ERCC6: variants seen among roughly 807,000 people sequenced by gnomAD.
ERCC6 encodes ERCC excision repair 6, chromatin remodeling factor.
A neutral mutation model predicts 158.7 loss-of-function variants in ERCC6; 116 were observed. The observed-to-expected ratio is 0.73, with a 90% CI of 0.63 to 0.85. The LOEUF (loss-of-function observed/expected upper bound fraction) is 0.85, where lower values mean the gene tolerates loss of function less well. Among genes scored for constraint, ERCC6 ranks in the 40% least tolerant of loss-of-function variants. The pLI, the probability that ERCC6 is intolerant of heterozygous loss-of-function variation, is 0.00. For synonymous variants in ERCC6, 678 were observed against 659.3 expected, an observed-to-expected ratio of 1.03 and a Z score of -0.43; for missense variants, 1,698 against 1,799.4, an observed-to-expected ratio of 0.94 and a Z score of 1.02.
intron 8 of ERCC6, 81 bp from the exon 9 acceptor site, chr10:49,483,597 T>G: frequency 7.4e-7 from 1 of 1,359,998 alleles, no homozygotes; most frequent in Non-Finnish European, 1.0e-6. Flanking sequence ...TAAAGTACTT[T>G]ATAAAAATGC....
At position 49,460,440 on chromosome 10, in the gene ERCC6, C is replaced by A; in HGVS notation, c.3995G>T (p.Gly1332Val). 3 of 1,611,766 alleles carry A rather than the reference C, an allele frequency of 1.9e-6. No individual in the cohort carries two copies. The highest frequency in any genetic ancestry group is 2.5e-6 in the Non-Finnish European group (3 of 1,177,912). The part of the protein sequence containing the change: ...GAPAGKKSRF[G>V]KKRNSNFSVQ... ...AGAGAAGTTAGAATTCCTTTTCTTA[C>A]CAAATCTACTCCTAAAAAAGGAAAA... Residue 1332 changes from glycine (G) to valine (V), a missense_variant, in exon 20 of 21, where the codon GGT becomes GTT. Gly to Val is a moderately radical substitution (Grantham distance 109). Coordinates refer to ENST00000355832, the MANE Select transcript of ERCC6 (RefSeq NM_000124.4).
At chr10:49,494,540 G>T (rs1851233097) in intron 7 of ERCC6, among the ~76,000 whole-genome samples, 1 of 152,074 alleles carries the variant, frequency 6.6e-6, no homozygotes, top group Non-Finnish European at 1.5e-5. Flanking sequence ...TTTTCCTGAA[G>T]AATCAGATCT....
intron 3 of ERCC6, among the ~76,000 whole-genome samples, chr10:49,528,819 C>G (rs561616372): frequency 4.6e-5 from 7 of 152,284 alleles, no homozygotes; most frequent in Admixed American, 2.6e-4. Context: ...TACATGGGCA[C>G]TGACCTGAAA....
intron 5 of ERCC6, among the ~76,000 whole-genome samples, chr10:49,520,288 CT>C (rs1258394653): frequency 1.3e-5 from 2 of 152,210 alleles, no homozygotes; most frequent in African/African-American, 4.8e-5. Context: ...CCCAGTGACA[CT>C]GCATAATCAG....
intron 5 of ERCC6, among the ~76,000 whole-genome samples, chr10:49,523,347 G>T (rs1837221740): frequency 6.6e-6 from 1 of 152,178 alleles, no homozygotes; most frequent in Non-Finnish European, 1.5e-5. Flanking sequence ...ATGCAATTCA[G>T]ACTTCATGTT....
intron 1 of ERCC6, among the ~76,000 whole-genome samples, chr10:49,535,382 T>C (rs1027728206): frequency 6.6e-6 from 1 of 151,956 alleles, no homozygotes; most frequent in Non-Finnish European, 1.5e-5. Flanking sequence ...GTACCTAAGG[T>C]CATTTTGGAG....
chr10:49,459,061 C>A lies in ERCC6; in HGVS notation c.4236G>T (p.Leu1412=), dbSNP rs1311925292. ...PERLESESGH[L]QEASALLPTT... ...TGGGCAGCAGGGCAGAAGCTTCCTG[C>A]AGGTGCCCGCTTTCACTTTCTAAAC... The change falls in exon 21 of 21, where the codon CTG becomes CTT. Residue 1412 remains leucine (L), a synonymous_variant. Transcript: ENST00000355832. The A allele has an allele frequency of 7.4e-6, 12 of 1,614,072 alleles. No individual in the cohort carries two copies. Among genetic ancestry groups the A allele is most frequent in the Non-Finnish European group, 1.0e-5 (12 of 1,180,038 alleles).
intron 5 of ERCC6, chr10:49,517,186 G>A (rs759797200): frequency 1.4e-4 from 213 of 1,499,700 alleles, no homozygotes; most frequent in Non-Finnish European, 1.8e-4. Context: ...TCCAAAAATG[G>A]AACATGAAAA....
chr10:49,529,880 TAAAAA>T (rs35149063), intron 3 of ERCC6, among the ~76,000 whole-genome samples: 1 of 151,946 alleles, frequency 6.6e-6, no homozygotes, highest in Non-Finnish European at 1.5e-5. Context: ...CATAAATCCT[TAAAAA>T]AAGTTTCAAA....
intron 5 of ERCC6, among the ~76,000 whole-genome samples, chr10:49,518,758 G>A (rs1837061563): frequency 6.6e-6 from 1 of 152,126 alleles, no homozygotes; most frequent in Non-Finnish European, 1.5e-5. Context: ...ATGGGGCCCT[G>A]GCCACAGAGG....
rs958123970 is a variant in ERCC6, at chr10:49,472,877, T to C, written c.2829+32A>G. 6 of 1,605,684 alleles carry C rather than the reference T, an allele frequency of 3.7e-6. No homozygotes were observed. In the African/African-American group the frequency reaches 4.1e-5, roughly 11 times the overall value. On this transcript the variant is annotated intron_variant, in intron 15 of 20. Coordinates refer to ENST00000355832, the MANE Select transcript of ERCC6 (RefSeq NM_000124.4). ...AACCATGAAACTATATTTCTACTAA[T>C]ACATTCTTTTAAAAAAAAAATAAAA...
chr10:49,522,696 A>T (rs1392917383), intron 5 of ERCC6, among the ~76,000 whole-genome samples: 1 of 152,242 alleles, frequency 6.6e-6, no homozygotes, highest in Admixed American at 6.5e-5. Flanking sequence ...TCCATTTATA[A>T]TCAATATGTT....
chr10:49,458,970 C>T lies in ERCC6; in HGVS notation c.4327G>A (p.Gly1443Ser). Residue 1443 changes from glycine (G) to serine (S), a missense_variant, in exon 21 of 21, where the codon GGC becomes AGC. Coordinates refer to ENST00000355832, the MANE Select transcript of ERCC6 (RefSeq NM_000124.4). ...NFIAFQAHTD[G>S]QASTREILQE... ...AGTATCTCCCTGGTGCTGGCCTGGC[C>T]ATCAGTGTGGGCCTGGAAAGCGATG... 2 of 1,614,194 alleles carry T rather than the reference C, an allele frequency of 1.2e-6. No individual in the cohort carries two copies. Among genetic ancestry groups the T allele is most frequent in the Non-Finnish European group, 1.7e-6 (2 of 1,180,044 alleles).
rs1850469819 is a variant in ERCC6 at position 49,455,477 on chromosome 10, T to C, written c.*3338A>G. On this transcript the variant is annotated 3_prime_UTR_variant, in exon 21 of 21. Coordinates refer to ENST00000355832, the MANE Select transcript of ERCC6 (RefSeq NM_000124.4). The stretch of plus-strand genomic sequence containing the variant: ...AAGAGGGGGAGAAAGGAAAAGGAAC[T>C]TGCCCATGAATGGCAAAACACAATG... 1 of 152,218 alleles carries C rather than the reference T, an allele frequency of 6.6e-6. No homozygotes were observed. The highest frequency in any genetic ancestry group is 1.5e-5 in the Non-Finnish European group (1 of 68,040). The allele number at this position is 152,218 out of a possible 1,614,324, so 9.4% of individuals were successfully genotyped here.
At chr10:49,508,035 T>A (rs1205244892) in intron 5 of ERCC6, among the ~76,000 whole-genome samples, 1 of 152,110 alleles carries the variant, frequency 6.6e-6, no homozygotes, top group East Asian at 1.9e-4. Flanking sequence ...TCGAGGAGTT[T>A]ACATAATGAG....
chr10:49,441,574 G>A, the ERCC6 span, among the ~76,000 whole-genome samples: 6 of 144,736 alleles, frequency 4.1e-5, no homozygotes, highest in Non-Finnish European at 7.5e-5. Flanking sequence ...TGCACGGTGT[G>A]CCATTTTGCA....
intron 5 of ERCC6, chr10:49,516,730 T>C (rs1385634565): frequency 6.2e-7 from 1 of 1,614,038 alleles, no homozygotes; most frequent in African/African-American, 1.3e-5. Context: ...GGTGGTGCTG[T>C]AACTCTACCT....
rs866374385 is a variant in ERCC6, at chr10:49,515,419, C to G, written c.1397+8614G>C. ...CGAAAAGTTGTGTTCTTATGACATT[C>G]AGCGCATCGCGTTTGCTTTCCCTGT... is the stretch of plus-strand genomic sequence containing the variant. On this transcript the variant is annotated intron_variant, in intron 5 of 20. Coordinates refer to ENST00000355832, the MANE Select transcript of ERCC6 (RefSeq NM_000124.4). 2.5e-6 allele frequency: 4 copies of G among 1,614,070 alleles called. No homozygotes were observed. The African/African-American group carries it at 5.3e-5, about 22-fold the overall frequency.
intron 8 of ERCC6, among the ~76,000 whole-genome samples, chr10:49,484,470 T>G (rs995650649): frequency 2.0e-5 from 3 of 151,998 alleles, no homozygotes; most frequent in African/African-American, 7.2e-5. Context: ...CCAGGCAAAG[T>G]GGCTTATGTC....
Sources: allele counts gnomAD v4.1 joint callset (sites outside exome capture counted in the v4.1 genomes callset), GRCh38; gene constraint gnomAD v4.1.1; transcripts MANE v1.5; gene names NCBI Gene and HGNC (gene_info 2026-07-23, HGNC 2026-07-21).